The following PCSK5 variants were observed in gnomAD, a reference collection of about 807,000 sequenced individuals.
PCSK5 encodes proprotein convertase subtilisin/kexin type 5.
Under a neutral mutation model 233.2 loss-of-function variants are expected in PCSK5, and 129 were observed. That is an observed-to-expected ratio of 0.55 (90% CI 0.48 to 0.64). The LOEUF is 0.64. Ranked by LOEUF, PCSK5 falls within the 30% of genes least tolerant of loss-of-function variation. The pLI, the probability that PCSK5 is intolerant of heterozygous loss-of-function variation, is 0.00. For synonymous variants in PCSK5, 825 were observed against 879.2 expected (o/e 0.94, Z 1.09); for missense variants, 2,076 against 2,430.1 (o/e 0.85, Z 3.06).
intron 24 of PCSK5, among the ~76,000 whole-genome samples, chr9:76,279,482 C>G (rs1454681675): frequency 6.6e-6 from 1 of 151,792 alleles, no homozygotes; most frequent in Admixed American, 6.6e-5. Flanking sequence ...CCTGAGGAAT[C>G]GCCACACTGA....
chr9:76,161,027 G>A (rs1197538031), intron 12 of PCSK5, among the ~76,000 whole-genome samples: 1 of 152,186 alleles, frequency 6.6e-6, no homozygotes, highest in Non-Finnish European at 1.5e-5. Flanking sequence ...TCTTGCCTTG[G>A]CCTCCCAAAG....
intron 5 of PCSK5, among the ~76,000 whole-genome samples, chr9:76,035,334 A>T (rs1169849818): frequency 6.6e-6 from 1 of 152,210 alleles, no homozygotes; most frequent in East Asian, 1.9e-4. Context: ...CTAACCTCGA[A>T]TTCCTATATA....
chr9:75,946,678 T>G (rs1380696614), intron 2 of PCSK5, among the ~76,000 whole-genome samples: 1 of 152,190 alleles, frequency 6.6e-6, no homozygotes, highest in Non-Finnish European at 1.5e-5. Flanking sequence ...AACCTCTGCC[T>G]CTCGGGTTCA....
chr9:76,045,828 T>C (rs1319828429), intron 5 of PCSK5, among the ~76,000 whole-genome samples: 4 of 152,192 alleles, frequency 2.6e-5, no homozygotes, highest in Admixed American at 2.6e-4. Context: ...CTCAGTGATC[T>C]GTAACCTAAG....
At chr9:75,990,724 G>C (rs533428906) in intron 3 of PCSK5, among the ~76,000 whole-genome samples, 36 of 152,194 alleles carry the variant, frequency 2.4e-4, no homozygotes, top group Non-Finnish European at 5.1e-4. Flanking sequence ...GTTTCTCTGG[G>C]ATCACGTGCA....
chr9:76,307,207 C>T (rs1305324511), intron 28 of PCSK5, among the ~76,000 whole-genome samples: 1 of 152,154 alleles, frequency 6.6e-6, no homozygotes, highest in Non-Finnish European at 1.5e-5. Flanking sequence ...TACCCTTCGG[C>T]GGCATAGCTG....
At chr9:76,207,182 C>A (rs187288801) in intron 20 of PCSK5, among the ~76,000 whole-genome samples, 197 of 152,266 alleles carry the variant, frequency 1.3e-3, no homozygotes, top group East Asian at 2.3e-3. Flanking sequence ...GGATAATCTC[C>A]CCATTTCAAG....
chr9:75,942,134 C>A (rs530121622), intron 2 of PCSK5, among the ~76,000 whole-genome samples: 1 of 152,316 alleles, frequency 6.6e-6, no homozygotes, highest in South Asian at 2.1e-4. Context: ...GTAGCGCACT[C>A]GTTGCCTGCC....
chr9:76,310,659 C>T lies in PCSK5; in HGVS notation c.3692C>T (p.Ala1231Val). The change falls in exon 30 of 38, where the codon GCA becomes GTA. Residue 1231 changes from alanine (A) to valine (V), a missense_variant. Around this residue, in one of 6 missense-constraint regions of PCSK5, gnomAD observed 1,510 missense variants for 1,538.1 expected, o/e 0.98. Coordinates refer to ENST00000674117, the MANE Select transcript of PCSK5 (RefSeq NM_001372043.1). ...ATLCTSCPKG[A>V]YLLAQACVSS... Reference sequence around the variant, plus strand: ...TCCCTCTTCCCTGAATTTCTAGGTGCATATCTTCTGGCTCAGGCCTGTGTT... The same window carrying T: ...TCCCTCTTCCCTGAATTTCTAGGTGTATATCTTCTGGCTCAGGCCTGTGTT... The T allele has an allele frequency of 6.4e-7, 1 of 1,563,258 alleles. No individual in the cohort carries two copies. Among genetic ancestry groups the T allele is most frequent in the Non-Finnish European group, 8.6e-7 (1 of 1,158,308 alleles).
chr9:76,033,948 C>G (rs1828750205), intron 5 of PCSK5, among the ~76,000 whole-genome samples: 2 of 152,182 alleles, frequency 1.3e-5, no homozygotes, highest in South Asian at 4.1e-4. Context: ...GGGACACAAA[C>G]ATTCAGATCA....
At chr9:76,011,926 G>A (rs564085525) in intron 3 of PCSK5, among the ~76,000 whole-genome samples, 1 of 152,042 alleles carries the variant, frequency 6.6e-6, no homozygotes, top group Non-Finnish European at 1.5e-5. Flanking sequence ...TGTCATGCAA[G>A]GTCTTTTTTT....
chr9:76,288,852 T>G (rs1411605540), intron 24 of PCSK5, among the ~76,000 whole-genome samples: 1 of 152,208 alleles, frequency 6.6e-6, no homozygotes, highest in Non-Finnish European at 1.5e-5. Flanking sequence ...AATATCTCCT[T>G]TCCAATACAT....
intron 15 of PCSK5, among the ~76,000 whole-genome samples, chr9:76,180,110 C>T (rs1290255735): frequency 2.1e-5 from 3 of 146,020 alleles, no homozygotes; most frequent in Non-Finnish European, 3.0e-5. Context: ...TATATACACA[C>T]ACACACATAT....
At chr9:76,315,642 C>CTTTT (rs34118608) in intron 30 of PCSK5, among the ~76,000 whole-genome samples, 4 of 114,582 alleles carry the variant, frequency 3.5e-5, no homozygotes, top group African/African-American at 1.4e-4. Flanking sequence ...GAGAAGACTA[C>CTTTT]TTTTTTTTTT....
At chr9:76,334,448 C>G (rs1177332775) in intron 34 of PCSK5, among the ~76,000 whole-genome samples, 1 of 152,210 alleles carries the variant, frequency 6.6e-6, no homozygotes, top group East Asian at 1.9e-4. Context: ...AAAACACCAG[C>G]CAGGCTGGGC....
At chr9:76,164,286 G>A (rs1229257571) in intron 12 of PCSK5, among the ~76,000 whole-genome samples, 1 of 152,158 alleles carries the variant, frequency 6.6e-6, no homozygotes, top group African/African-American at 2.4e-5. Context: ...TCAAAAGAAG[G>A]TACAGCCTTT....
At chr9:76,163,209 A>T (rs1054225232) in intron 12 of PCSK5, among the ~76,000 whole-genome samples, 1 of 152,234 alleles carries the variant, frequency 6.6e-6, no homozygotes, top group African/African-American at 2.4e-5. Context: ...AGAATTGTTT[A>T]TCTCCTCACC....
chr9:76,287,316 C>A, intron 24 of PCSK5: 2 of 226,546 alleles, frequency 8.8e-6, no homozygotes, highest in South Asian at 8.4e-5. Flanking sequence ...TGGTCCAGGC[C>A]AGTTTGTCTA....
chr9:75,902,401 G>A (rs1222417163), intron 1 of PCSK5, among the ~76,000 whole-genome samples: 2 of 151,976 alleles, frequency 1.3e-5, no homozygotes, highest in African/African-American at 4.8e-5. Context: ...GCCAAAATAG[G>A]ACTACTGGAC....
Sources: gnomAD v4.1 joint callset for allele counts (sites outside exome capture counted in the v4.1 genomes callset) on GRCh38, gnomAD v4.1.1 for gene constraint, gnomAD v4.1.1 regional missense constraint, MANE v1.5 for transcripts, NCBI Gene and HGNC (gene_info 2026-07-23, HGNC 2026-07-21) for gene names.